The following FGFR2 variants were observed in gnomAD, a reference collection of about 807,000 sequenced individuals.
The protein encoded by FGFR2 is BEK fibroblast growth factor receptor.
A neutral mutation model predicts 95.9 loss-of-function variants in FGFR2; 19 were observed. That is an observed-to-expected ratio of 0.20 (90% CI 0.14 to 0.29). The LOEUF (loss-of-function observed/expected upper bound fraction) is 0.29, where lower values mean the gene tolerates loss of function less well. FGFR2 is among the 10% of genes least tolerant of loss of function. The pLI, the probability that FGFR2 is intolerant of heterozygous loss-of-function variation, is 1.00. For synonymous variants in FGFR2, 392 were observed against 393.3 expected, an observed-to-expected ratio of 1.00 and a Z score of 0.04; for missense variants, 707 against 1,056.9, an observed-to-expected ratio of 0.67 and a Z score of 4.59.
chr10:121,537,779 T>G (rs1271401048), intron 6 of FGFR2, among the ~76,000 whole-genome samples: 1 of 152,174 alleles, frequency 6.6e-6, no homozygotes, highest in Non-Finnish European at 1.5e-5. Flanking sequence ...AGAGAAAAGA[T>G]GGCCCCTACA....
intron 8 of FGFR2, among the ~76,000 whole-genome samples, chr10:121,515,814 A>G (rs1849641076): frequency 6.7e-6 from 1 of 150,148 alleles, no homozygotes; most frequent in Non-Finnish European, 1.5e-5. Context: ...ACACAATTCC[A>G]TATGAAACTG....
rs756377540 is a variant in FGFR2 at position 121,485,542 on chromosome 10, A to G, written c.2058-10T>C. On this transcript the variant is annotated splice_polypyrimidine_tract_variant and intron_variant, in intron 15 of 17. Coordinates refer to ENST00000358487, the MANE Select transcript of FGFR2 (RefSeq NM_000141.5). This position sits in a 1 kb window ranked among gnomAD's most constrained non-coding sequence, Gnocchi z 4.2. ...CACCCCGAAGGACCAGCTGCAACAA[A>G]AGGAGAAAGCACGGCATTACTAACC... 5.7e-5 allele frequency: 92 copies of G among 1,613,944 alleles called. 1 individual carries two copies. In the East Asian group the frequency reaches 2.0e-3, roughly 35 times the overall value.
At chr10:121,559,796 C>T (rs543743138) in intron 4 of FGFR2, among the ~76,000 whole-genome samples, 147 of 152,334 alleles carry the variant, frequency 9.6e-4, no homozygotes, top group African/African-American at 2.8e-3. Context: ...TCTGCATGGG[C>T]GCTGGGCAGT....
intron 9 of FGFR2, among the ~76,000 whole-genome samples, chr10:121,511,739 C>T (rs1414010572): frequency 1.3e-5 from 2 of 152,210 alleles, no homozygotes; most frequent in Non-Finnish European, 2.9e-5. Context: ...CCATCTGCCT[C>T]CCACCACCCA....
intron 11 of FGFR2, among the ~76,000 whole-genome samples, 164 bp downstream of exon 11, chr10:121,500,661 AT>A (rs1211010555): frequency 1.3e-5 from 2 of 152,194 alleles, no homozygotes; most frequent in Non-Finnish European, 2.9e-5. Context: ...CTCAAGATAA[AT>A]AGTCTGTCCG....
At chr10:121,484,396 G>A (rs763497772) in intron 16 of FGFR2, among the ~76,000 whole-genome samples, 1 of 152,118 alleles carries the variant, frequency 6.6e-6, no homozygotes, top group African/African-American at 2.4e-5. Flanking sequence ...TCTTGATTTT[G>A]GGTTTCGACA....
chr10:121,580,539 A>C (rs376471112), intron 2 of FGFR2, among the ~76,000 whole-genome samples: 2 of 152,244 alleles, frequency 1.3e-5, no homozygotes, highest in Non-Finnish European at 2.9e-5. Context: ...CAATCAGCTG[A>C]ATGGGAATGA....
chr10:121,484,435 C>A (rs564610121), intron 16 of FGFR2, among the ~76,000 whole-genome samples: 1 of 152,082 alleles, frequency 6.6e-6, no homozygotes, highest in South Asian at 2.1e-4. Flanking sequence ...AGAAAAAAAA[C>A]AATAGGAATG....
intron 13 of FGFR2, among the ~76,000 whole-genome samples, chr10:121,493,537 G>A (rs191197453): frequency 6.6e-6 from 1 of 152,310 alleles, no homozygotes; most frequent in East Asian, 1.9e-4. Flanking sequence ...TCCGTGTCCT[G>A]ATTTTCCTAC....
intron 2 of FGFR2, among the ~76,000 whole-genome samples, chr10:121,577,268 G>A (rs1860052304): frequency 7.1e-6 from 1 of 140,800 alleles, no homozygotes; most frequent in South Asian, 2.4e-4. Context: ...ATGACCTTGA[G>A]GCAAGTCCTC....
chr10:121,587,410 G>A (rs1861994693), intron 2 of FGFR2, among the ~76,000 whole-genome samples: 1 of 152,148 alleles, frequency 6.6e-6, no homozygotes, highest in South Asian at 2.1e-4. Context: ...TGACAAATGG[G>A]ATCTAATTAA....
chr10:121,480,356 T>G (rs565073870), intron 17 of FGFR2: 5 of 430,438 alleles, frequency 1.2e-5, no homozygotes, highest in South Asian at 1.1e-4. Context: ...GAGCTATAGG[T>G]GCTGGGCAGG....
chr10:121,521,661 A>G (rs1850563629), intron 6 of FGFR2, among the ~76,000 whole-genome samples: 1 of 143,156 alleles, frequency 7.0e-6, no homozygotes, highest in Non-Finnish European at 1.5e-5. Context: ...AAAAAAAAAA[A>G]GACAAGTGTC....
intron 2 of FGFR2, among the ~76,000 whole-genome samples, chr10:121,593,298 T>C (rs41301567): frequency 1.3e-5 from 2 of 152,362 alleles, no homozygotes; most frequent in African/African-American, 4.8e-5. Context: ...ATTTCAGATG[T>C]TGGCAATTTC....
chr10:121,592,112 G>A (rs938663267), intron 2 of FGFR2, among the ~76,000 whole-genome samples: 3 of 152,146 alleles, frequency 2.0e-5, no homozygotes, highest in African/African-American at 7.2e-5. Context: ...TGCTCCTAAA[G>A]CCCACACCGT....
intron 5 of FGFR2, among the ~76,000 whole-genome samples, chr10:121,550,065 G>T (rs866221283): frequency 6.6e-5 from 10 of 152,252 alleles, no homozygotes; most frequent in African/African-American, 2.4e-4. Flanking sequence ...AATTATTACA[G>T]TTCTCTCCTT....
chr10:121,519,647 A>G (rs1409273306), intron 7 of FGFR2, among the ~76,000 whole-genome samples: 1 of 152,184 alleles, frequency 6.6e-6, no homozygotes, highest in Non-Finnish European at 1.5e-5. Flanking sequence ...CAACCGCCCT[A>G]TGGGGGACAG....
chr10:121,588,890 G>A (rs1016990779), intron 2 of FGFR2, among the ~76,000 whole-genome samples: 9 of 151,970 alleles, frequency 5.9e-5, no homozygotes, highest in Admixed American at 3.3e-4. Flanking sequence ...CTCCAGCCTG[G>A]GTGGCAGATC....
At chr10:121,580,849 G>C (rs1256171908) in intron 2 of FGFR2, among the ~76,000 whole-genome samples, 6 of 152,192 alleles carry the variant, frequency 3.9e-5, no homozygotes, top group Non-Finnish European at 8.8e-5. Context: ...ACTTTGAAGA[G>C]TCACTACCTC....
Sources: gnomAD v4.1 joint callset for allele counts (sites outside exome capture counted in the v4.1 genomes callset) on GRCh38, gnomAD v4.1.1 for gene constraint, Gnocchi (gnomAD v3.1) non-coding constraint, MANE v1.5 for transcripts, NCBI Gene and HGNC (gene_info 2026-07-23, HGNC 2026-07-21) for gene names.